The following BMPR1A variants were observed in gnomAD, a reference collection of about 807,000 sequenced individuals.
The protein encoded by BMPR1A is bone morphogenetic protein receptor type 1A.
Under a neutral mutation model 66.0 loss-of-function variants are expected in BMPR1A, and 7 were observed. The observed-to-expected ratio is 0.11, with a 90% CI of 0.06 to 0.20. The LOEUF (loss-of-function observed/expected upper bound fraction) is 0.20. Among genes scored for constraint, BMPR1A ranks in the 10% least tolerant of loss-of-function variants. The pLI, the probability that BMPR1A is intolerant of heterozygous loss-of-function variation, is 1.00. For missense variants in BMPR1A, 408 were observed against 669.1 expected (o/e 0.61, Z 4.31); for synonymous variants, 200 against 229.7 (o/e 0.87, Z 1.17).
chr10:86,868,143 T>C (rs540389557), intron 2 of BMPR1A, among the ~76,000 whole-genome samples: 1 of 152,316 alleles, frequency 6.6e-6, no homozygotes, highest in South Asian at 2.1e-4. Context: ...CGGGCATTAT[T>C]GTAAAACTTT....
intron 2 of BMPR1A, among the ~76,000 whole-genome samples, chr10:86,874,997 T>C (rs984843540): frequency 6.6e-5 from 10 of 151,800 alleles, no homozygotes; most frequent in Admixed American, 6.6e-4. Context: ...CCCAAAGTGC[T>C]GGGATTACAG....
At chr10:86,851,524 G>A (rs1338867001) in intron 2 of BMPR1A, among the ~76,000 whole-genome samples, 1 of 152,158 alleles carries the variant, frequency 6.6e-6, no homozygotes, top group Non-Finnish European at 1.5e-5. Flanking sequence ...ATTTTTGAGT[G>A]AACATTGCTC....
chr10:86,806,320 G>C (rs982509098), intron 1 of BMPR1A, among the ~76,000 whole-genome samples: 1 of 152,028 alleles, frequency 6.6e-6, no homozygotes, highest in Admixed American at 6.6e-5. Context: ...GAAACTTCAA[G>C]ACCACACAAA....
chr10:86,879,964 C>T (rs1008115839), intron 3 of BMPR1A, among the ~76,000 whole-genome samples: 5 of 152,198 alleles, frequency 3.3e-5, no homozygotes, highest in African/African-American at 1.2e-4. Context: ...TGCCTTGTCT[C>T]TGGTGTTCCT....
chr10:86,931,298 C>CACACATAT, downstream of BMPR1A: 5 of 90,922 alleles, frequency 5.5e-5, no homozygotes, highest in South Asian at 1.6e-3. Flanking sequence ...CACACACACA[C>CACACATAT]ATATATATAT....
chr10:86,851,445 G>A (rs1357416127), intron 2 of BMPR1A, among the ~76,000 whole-genome samples: 1 of 152,168 alleles, frequency 6.6e-6, no homozygotes, highest in Non-Finnish European at 1.5e-5. Context: ...TATAAGAGGA[G>A]GAATCATGTC....
intron 3 of BMPR1A, 107 bp from the exon 4 acceptor site, chr10:86,889,955 C>T: frequency 8.3e-7 from 1 of 1,202,254 alleles, no homozygotes; most frequent in Non-Finnish European, 1.2e-6. Context: ...ATGCTAGCTA[C>T]AATTATTGTG....
chr10:86,758,386 T>A, intron 1 of BMPR1A, among the ~76,000 whole-genome samples: 1 of 138,020 alleles, frequency 7.2e-6, no homozygotes, highest in South Asian at 2.3e-4. Flanking sequence ...TTTTTTTTTG[T>A]CTTTCTTATT....
chr10:86,912,391 T>G lies in BMPR1A; in HGVS notation c.675+7T>G, dbSNP rs1589288667. On this transcript the variant is annotated splice_region_variant and intron_variant, in intron 8 of 12. Coordinates refer to ENST00000372037, the MANE Select transcript of BMPR1A (RefSeq NM_004329.3). ...GTCTGGACTACCTTTATTGGTAAGT[T>G]AAACGTTCCTATAGACATGAATGGT... The G allele has an allele frequency of 6.2e-7, 1 of 1,613,930 alleles. No individual in the cohort carries two copies. Among genetic ancestry groups the G allele is most frequent in the African/African-American group, 1.3e-5 (1 of 75,028 alleles).
In BMPR1A at chr10:86,917,406, A is replaced by G. The variant is rs1843591089; in HGVS notation, c.868+80A>G. The G allele has an allele frequency of 2.0e-6, 3 of 1,515,602 alleles. No homozygotes were observed. In the African/African-American group the frequency reaches 4.1e-5, roughly 21 times the overall value. The allele number at this position is 1,515,602 out of a possible 1,614,324, so 93.9% of individuals were successfully genotyped here. ...GGTGGAAGCCTCCATATGTGCTTTG[A>G]AAATGTGTGAGTTCAACTATATACA... On this transcript the variant is annotated intron_variant, in intron 9 of 12. Coordinates refer to ENST00000372037, the MANE Select transcript of BMPR1A (RefSeq NM_004329.3).
intron 1 of BMPR1A, among the ~76,000 whole-genome samples, chr10:86,806,963 A>G (rs2132907128): frequency 6.6e-6 from 1 of 152,220 alleles, no homozygotes; most frequent in South Asian, 2.1e-4. Context: ...TCCCTTTAAA[A>G]AAAAATAAAG....
intron 1 of BMPR1A, among the ~76,000 whole-genome samples, chr10:86,763,191 G>A (rs1841099666): frequency 6.6e-6 from 1 of 152,176 alleles, no homozygotes; most frequent in Non-Finnish European, 1.5e-5. Flanking sequence ...ACTGCGCCCG[G>A]CCAGAAGTAT....
intron 2 of BMPR1A, among the ~76,000 whole-genome samples, chr10:86,849,346 T>A (rs768179770): frequency 7.9e-5 from 12 of 152,230 alleles, no homozygotes; most frequent in Admixed American, 5.2e-4. Context: ...CTGGAATGCC[T>A]CTCTCACATC....
chr10:86,889,386 A>G (rs933177895), intron 3 of BMPR1A, among the ~76,000 whole-genome samples: 7 of 152,028 alleles, frequency 4.6e-5, no homozygotes, highest in African/African-American at 1.7e-4. Context: ...TTAAAGGCCA[A>G]AGCAAGATGC....
intron 2 of BMPR1A, among the ~76,000 whole-genome samples, chr10:86,875,115 G>C (rs1842904191): frequency 6.6e-6 from 1 of 151,590 alleles, no homozygotes; most frequent in Non-Finnish European, 1.5e-5. Context: ...ACTCACACCT[G>C]TAATCCTAGC....
At chr10:86,904,674 G>A (rs547259637) in intron 7 of BMPR1A, among the ~76,000 whole-genome samples, 36 of 152,092 alleles carry the variant, frequency 2.4e-4, no homozygotes, top group Non-Finnish European at 4.6e-4. Context: ...CCGGAAATGG[G>A]GATCTAAGTG....
intron 2 of BMPR1A, among the ~76,000 whole-genome samples, chr10:86,869,563 C>A (rs1201972405): frequency 6.6e-6 from 1 of 151,722 alleles, no homozygotes; most frequent in Non-Finnish European, 1.5e-5. Flanking sequence ...TCGAGACCAG[C>A]CTGACCAACA....
At chr10:86,835,786 A>T (rs1842338205) in intron 1 of BMPR1A, among the ~76,000 whole-genome samples, 1 of 152,080 alleles carries the variant, frequency 6.6e-6, no homozygotes. Flanking sequence ...AGATTTAACC[A>T]TTTTAATAAT....
chr10:86,770,646 C>G (rs773386199), intron 1 of BMPR1A, among the ~76,000 whole-genome samples: 3 of 152,118 alleles, frequency 2.0e-5, no homozygotes, highest in Non-Finnish European at 4.4e-5. Flanking sequence ...ACCCCTTCCT[C>G]CAGGCTAGCT....
Sources: allele counts gnomAD v4.1 joint callset (sites outside exome capture counted in the v4.1 genomes callset), GRCh38; gene constraint gnomAD v4.1.1; transcripts MANE v1.5; gene names NCBI Gene and HGNC (gene_info 2026-07-23, HGNC 2026-07-21).